NR4A3: variants seen among roughly 807,000 people sequenced by gnomAD.
NR4A3 encodes the protein chondrosarcoma, extraskeletal myxoid, fused to EWS.
Under a neutral mutation model 55.6 loss-of-function variants are expected in NR4A3, and 13 were observed. That is an observed-to-expected ratio of 0.23 (90% CI 0.15 to 0.37). The LOEUF is 0.37. NR4A3 is among the 10% of genes least tolerant of loss of function. The pLI is 1.00. For missense variants in NR4A3, 646 were observed against 822.8 expected (o/e 0.79, Z 2.63); for synonymous variants, 342 against 357.9 (o/e 0.96, Z 0.50).
At position 99,844,773 on chromosome 9, in the gene NR4A3, A is replaced by T; in HGVS notation, c.1379A>T (p.Asp460Val). Residue 460 changes from aspartate (D) to valine (V), a missense_variant, in exon 6 of 8, where the codon GAT becomes GTT. Physicochemically the swap from Asp to Val is radical, Grantham distance 152. Coordinates refer to ENST00000395097, the MANE Select transcript of NR4A3 (RefSeq NM_006981.4). Reference sequence around the variant, plus strand: ...GCAGAAAAGATTCCGGGATTTACTGATCTCCCCAAAGAAGATCAGACATTA... The same window carrying T: ...GCAGAAAAGATTCCGGGATTTACTGTTCTCCCCAAAGAAGATCAGACATTA... ...SWAEKIPGFT[D>V]LPKEDQTLLI... is the part of the protein sequence containing the mutation. The T allele has an allele frequency of 6.2e-7, 1 of 1,614,180 alleles. No homozygotes were observed. The highest frequency in any genetic ancestry group is 8.5e-7 in the Non-Finnish European group (1 of 1,180,004).
chr9:99,847,722 A>G, intron 7 of NR4A3, 107 bp downstream of exon 7: 1 of 1,046,622 alleles, frequency 9.6e-7, no homozygotes, highest in Non-Finnish European at 1.4e-6. Flanking sequence ...GAAAATGACT[A>G]CCATTTTTCT....
At chr9:99,836,511 A>T (rs1243216388) in intron 5 of NR4A3, among the ~76,000 whole-genome samples, 1 of 152,164 alleles carries the variant, frequency 6.6e-6, no homozygotes, top group Non-Finnish European at 1.5e-5. Context: ...CTAAGCTGGG[A>T]TTTACTGTTT....
intron 7 of NR4A3, among the ~76,000 whole-genome samples, chr9:99,857,881 T>G (rs1051710414): frequency 6.6e-6 from 1 of 152,244 alleles, no homozygotes; most frequent in African/African-American, 2.4e-5. Flanking sequence ...AGTTCTTTAC[T>G]GTTGTTAGCT....
chr9:99,834,104 AT>A, intron 5 of NR4A3: 3 of 962,902 alleles, frequency 3.1e-6, no homozygotes, highest in Non-Finnish European at 3.8e-6. Flanking sequence ...GGTTGTGAAA[AT>A]GTTTTTAAGA....
intron 2 of NR4A3, chr9:99,826,871 A>T (rs1464819908): frequency 6.8e-7 from 1 of 1,463,852 alleles, no homozygotes; most frequent in Non-Finnish European, 9.5e-7. Context: ...TACACCATAG[A>T]CTCCAAAGAG....
At chr9:99,841,490 A>G (rs1323950623) in intron 5 of NR4A3, among the ~76,000 whole-genome samples, 1 of 152,212 alleles carries the variant, frequency 6.6e-6, no homozygotes, top group Non-Finnish European at 1.5e-5. Flanking sequence ...CATTTCATAA[A>G]TATGGAAGCT....
In NR4A3 at chr9:99,865,088, C is replaced by T; in HGVS notation, c.*1221C>T. Reference sequence around the variant, plus strand: ...GTTTCAACATTCCGTGTTCGTACTCCCTTTTGTATGTTTCTACTGTTAATG... The same window carrying T: ...GTTTCAACATTCCGTGTTCGTACTCTCTTTTGTATGTTTCTACTGTTAATG... On this transcript the variant is annotated 3_prime_UTR_variant, in exon 8 of 8. Transcript: ENST00000395097. This position sits in a 1 kb window ranked among gnomAD's most constrained non-coding sequence, Gnocchi z 4.3. 1.0e-5 allele frequency: 2 copies of T among 199,302 alleles called. No individual in the cohort carries two copies. Among genetic ancestry groups the T allele is most frequent in the Non-Finnish European group, 2.1e-5 (2 of 96,158 alleles). 12.3% of individuals were successfully genotyped at this position (199,302 alleles called of 1,614,324 possible).
chr9:99,828,105 A>G lies in NR4A3; in HGVS notation c.63A>G (p.Thr21=). The change falls in exon 3 of 8, where the codon ACA becomes ACG. Residue 21 remains threonine, a synonymous_variant. Coordinates refer to ENST00000395097, the MANE Select transcript of NR4A3 (RefSeq NM_006981.4). This position sits in a 1 kb window ranked among gnomAD's most constrained non-coding sequence, Gnocchi z 7.7. ...SPPGSSYAAQ[T]YSSEYTTEIM... is the part of the protein sequence containing the mutation. ...CAGGTTCCAGTTATGCGGCGCAGAC[A>G]TACAGCTCGGAATACACCACGGAGA... 6.2e-7 allele frequency: 1 copy of G among 1,614,108 alleles called. No homozygotes were observed. The highest frequency in any genetic ancestry group is 8.5e-7 in the Non-Finnish European group (1 of 1,180,016).
At position 99,838,653 on chromosome 9, in the gene NR4A3, A is replaced by G. The variant is rs141562663; in HGVS notation, c.1254+5199A>G. On this transcript the variant is annotated intron_variant, in intron 5 of 7. Coordinates refer to ENST00000395097, the MANE Select transcript of NR4A3 (RefSeq NM_006981.4). ...TAATAACTGCTATAGTTCCACTATG[A>G]GTACAGGTCAGCATTTCCTAAAACA... Among the ~76,000 whole-genome samples, 153 of 152,324 alleles carry G rather than the reference A, an allele frequency of 1.0e-3. 2 individuals carry two copies. Among genetic ancestry groups the G allele is most frequent in the African/African-American group, 3.5e-3 (145 of 41,572 alleles).
At chr9:99,824,243 G>T (rs1827248753) in intron 1 of NR4A3, among the ~76,000 whole-genome samples, 1 of 152,178 alleles carries the variant, frequency 6.6e-6, no homozygotes, top group Non-Finnish European at 1.5e-5. Flanking sequence ...AACGCTGGGC[G>T]CTCGAGGGGA....
At chr9:99,863,165 A>G (rs904768282) in intron 7 of NR4A3, among the ~76,000 whole-genome samples, 49 of 152,274 alleles carry the variant, frequency 3.2e-4, no homozygotes, top group African/African-American at 1.1e-3. Context: ...ATTTGCCTGG[A>G]TGTGTTTCTA....
At chr9:99,830,454 T>C (rs956070359) in intron 3 of NR4A3, among the ~76,000 whole-genome samples, 1 of 152,240 alleles carries the variant, frequency 6.6e-6, no homozygotes, top group Non-Finnish European at 1.5e-5. Context: ...AAAATGCACA[T>C]TTGTGGAGGG....
rs992176333 is a variant in NR4A3, at chr9:99,864,994, G to A, written c.*1127G>A. 1.0e-5 allele frequency: 2 copies of A among 199,832 alleles called. No individual in the cohort carries two copies. Among genetic ancestry groups the A allele is most frequent in the African/African-American group, 4.6e-5 (2 of 43,424 alleles). The allele number at this position is 199,832 out of a possible 1,614,324, so 12.4% of individuals were successfully genotyped here. A position where few individuals can be genotyped will look rare whatever the true frequency, so the allele number is the denominator to read the frequency against. ...AGCAAATCTTTTTAAAAAATAGTAT[G>A]AATGTGAATACTAGAAAAGATTTAA... is the stretch of plus-strand genomic sequence containing the variant. On this transcript the variant is annotated 3_prime_UTR_variant, in exon 8 of 8. Coordinates refer to ENST00000395097, the MANE Select transcript of NR4A3 (RefSeq NM_006981.4).
chr9:99,842,401 G>A (rs1799632615), intron 5 of NR4A3, among the ~76,000 whole-genome samples: 1 of 152,144 alleles, frequency 6.6e-6, no homozygotes, highest in African/African-American at 2.4e-5. Flanking sequence ...ATACATACCT[G>A]GAGAGCTCCA....
Position 99,866,583 on chromosome 9 carries a change from C to A in NR4A3, c.*2716C>A, listed in dbSNP as rs1828101491. 1 of 227,906 alleles carries A rather than the reference C, an allele frequency of 4.4e-6. No individual in the cohort carries two copies. Among genetic ancestry groups the A allele is most frequent in the Non-Finnish European group, 8.7e-6 (1 of 114,500 alleles). 14.1% of individuals were successfully genotyped at this position (227,906 alleles called of 1,614,324 possible). On this transcript the variant is annotated 3_prime_UTR_variant, in exon 8 of 8. Coordinates refer to ENST00000395097, the MANE Select transcript of NR4A3 (RefSeq NM_006981.4). ...CCCTTTTTTTTGTCTTAATGTTGCA[C>A]ATAAGTTTATACAGAGTGGATGACC...
rs758590976 is a variant in NR4A3 at position 99,829,012 on chromosome 9, C to G, written c.951+19C>G. 6 of 1,322,908 alleles carry G rather than the reference C, an allele frequency of 4.5e-6. No individual in the cohort carries two copies. The allele number at this position is 1,322,908 out of a possible 1,614,324, so 81.9% of individuals were successfully genotyped here. A position where few individuals can be genotyped will look rare whatever the true frequency, so the allele number is the denominator to read the frequency against. ...TTTCAAGGTGAGCGCACGCCGCCCC[C>G]TCCCCTCCGCACCCAGCCCCCTCAC... On this transcript the variant is annotated intron_variant, in intron 3 of 7. Coordinates refer to ENST00000395097, the MANE Select transcript of NR4A3 (RefSeq NM_006981.4).
In NR4A3 at chr9:99,827,256, A is replaced by ATGTGTG. The variant is rs1419603893; in HGVS notation, c.-2-784_-2-783insGTGTGT. Among the ~76,000 whole-genome samples the ATGTGTG allele has an allele frequency of 4.7e-4, 66 of 138,982 alleles. 1 individual carries two copies. The highest frequency in any genetic ancestry group is 1.6e-3 in the African/African-American group (60 of 36,934). The allele number at this position is 138,982 out of a possible 152,430, so 91.2% of individuals were successfully genotyped here. On this transcript the variant is annotated intron_variant, in intron 2 of 7. Coordinates refer to ENST00000395097, the MANE Select transcript of NR4A3 (RefSeq NM_006981.4). The stretch of plus-strand genomic sequence containing the variant: ...TTTATTAGTTAGAATTGGGATATAT[A>ATGTGTG]TATGTGTGTGTGTGTGTGTGTGTGT...
At chr9:99,831,700 T>C (rs752091692) in intron 3 of NR4A3, among the ~76,000 whole-genome samples, 17 of 152,222 alleles carry the variant, frequency 1.1e-4, no homozygotes, top group Non-Finnish European at 2.1e-4. Context: ...ATCCAGGTAA[T>C]TTCTGAACAG....
At chr9:99,826,564 G>A (rs760331251) in intron 2 of NR4A3, among the ~76,000 whole-genome samples, 23 of 152,254 alleles carry the variant, frequency 1.5e-4, no homozygotes, top group Non-Finnish European at 3.1e-4. Context: ...ATAGATCAAA[G>A]ATCAGGCAGT....
Sources: gnomAD v4.1 joint callset for allele counts (sites outside exome capture counted in the v4.1 genomes callset) on GRCh38, gnomAD v4.1.1 for gene constraint, Gnocchi (gnomAD v3.1) non-coding constraint, MANE v1.5 for transcripts, NCBI Gene and HGNC (gene_info 2026-07-23, HGNC 2026-07-21) for gene names.